Variants in MID1 observed in about 807,000 individuals in gnomAD.
MID1 encodes midline 1.
A neutral mutation model predicts 40.4 loss-of-function variants in MID1; 7 were observed. That is an observed-to-expected ratio of 0.17 (90% CI 0.10 to 0.33). The LOEUF (loss-of-function observed/expected upper bound fraction) is 0.33, where lower values mean the gene tolerates loss of function less well. MID1 is among the 10% of genes least tolerant of loss of function. The probability of loss-of-function intolerance (pLI) is 1.00; values close to 1 mark genes in which losing one functional copy is unlikely to be tolerated. For missense variants in MID1, 367 were observed against 558.5 expected (o/e 0.66, Z 3.46); for synonymous variants, 229 against 221.2 (o/e 1.04, Z -0.31).
At chrX:10,770,178 C>T (rs746167649) in intron 1 of MID1, among the ~76,000 whole-genome samples, 24 of 111,863 alleles carry the variant, frequency 2.1e-4, no homozygotes, top group African/African-American at 7.5e-4. Context: ...CTGCACGTTG[C>T]CACTGCTACA....
At chrX:10,552,538 A>G (rs1186862994) in intron 2 of MID1, among the ~76,000 whole-genome samples, 1 of 111,230 alleles carries the variant, frequency 9.0e-6, no homozygotes, top group African/African-American at 3.3e-5. Flanking sequence ...TTAATAATTA[A>G]TAATACAATA....
At chrX:10,487,347 A>G (rs1930673378) in intron 4 of MID1, among the ~76,000 whole-genome samples, 1 of 112,170 alleles carries the variant, frequency 8.9e-6, no homozygotes, top group Admixed American at 9.5e-5. Flanking sequence ...GCTTGTACAA[A>G]TAATTATATA....
intron 2 of MID1, among the ~76,000 whole-genome samples, chrX:10,540,601 G>A (rs1933430662): frequency 9.0e-6 from 1 of 111,416 alleles, no homozygotes; most frequent in Non-Finnish European, 1.9e-5. Context: ...CATCTAAGTT[G>A]GATGTGCACT....
intron 2 of MID1, among the ~76,000 whole-genome samples, chrX:10,547,784 T>G (rs749045434): frequency 6.1e-4 from 68 of 111,386 alleles, no homozygotes; most frequent in African/African-American, 2.2e-3. Context: ...AAGCAGTCAT[T>G]GCTGAACCCA....
intron 2 of MID1, among the ~76,000 whole-genome samples, chrX:10,545,749 CAGG>C (rs998322195): frequency 1.3e-4 from 15 of 111,153 alleles, no homozygotes; most frequent in African/African-American, 3.9e-4. Context: ...GGAGAAGGAG[CAGG>C]AGGAGGAGGA....
At chrX:10,502,024 C>T (rs1202740355) in intron 3 of MID1, among the ~76,000 whole-genome samples, 1 of 112,206 alleles carries the variant, frequency 8.9e-6, no homozygotes, top group East Asian at 2.8e-4. Flanking sequence ...CTTTAGCAGT[C>T]TGTAAGTGGT....
intron 1 of MID1, among the ~76,000 whole-genome samples, chrX:10,648,124 G>A (rs1053015388): frequency 8.9e-6 from 1 of 111,824 alleles, no homozygotes; most frequent in African/African-American, 3.2e-5. Flanking sequence ...AGATTTCCAC[G>A]AAGCTTTCCT....
intron 1 of MID1, among the ~76,000 whole-genome samples, chrX:10,691,480 C>CA (rs1189182347): frequency 1.2e-4 from 14 of 112,253 alleles, no homozygotes; most frequent in African/African-American, 4.5e-4. Context: ...GTCATTACTG[C>CA]AATCTCTGAA....
In MID1 at chrX:10,561,767, G is replaced by A. The variant is rs1023083924; in HGVS notation, c.660+5121C>T. Among the ~76,000 whole-genome samples the A allele has an allele frequency of 3.2e-4, 34 of 107,223 alleles. 1 individual carries two copies. Among genetic ancestry groups the A allele is most frequent in the Non-Finnish European group, 4.7e-4 (25 of 52,825 alleles). 93.1% of individuals were successfully genotyped at this position (107,223 alleles called of 115,157 possible). A position where few individuals can be genotyped will look rare whatever the true frequency, so the allele number is the denominator to read the frequency against. On this transcript the variant is annotated intron_variant, in intron 2 of 9. Coordinates refer to ENST00000317552, the MANE Select transcript of MID1 (RefSeq NM_000381.4). ...GGAGAAATAGGAATGTTTTTACACT[G>A]TTGGTGGTTGTAAATTAGTTCAACC...
intron 3 of MID1, chrX:10,506,243 T>C (rs1931823494): frequency 1.0e-6 from 1 of 995,015 alleles, no homozygotes; most frequent in African/African-American, 2.0e-5. Flanking sequence ...GCTATAGCCA[T>C]GACTAGAAAA....
intron 1 of MID1, among the ~76,000 whole-genome samples, chrX:10,589,339 C>G (rs908019928): frequency 1.8e-5 from 2 of 110,145 alleles, no homozygotes; most frequent in African/African-American, 6.6e-5. Context: ...GTTCCCAAGA[C>G]CAGTCCTGTG....
chrX:10,663,468 T>G (rs1157559569), intron 1 of MID1, among the ~76,000 whole-genome samples: 2 of 112,455 alleles, frequency 1.8e-5, no homozygotes, highest in Non-Finnish European at 3.8e-5. Context: ...TTTTTAGAGC[T>G]GAATACTATC....
chrX:10,702,802 T>G (rs1397729693), intron 1 of MID1, among the ~76,000 whole-genome samples: 1 of 111,980 alleles, frequency 8.9e-6, no homozygotes, highest in Non-Finnish European at 1.9e-5. Flanking sequence ...TGTATTGGAG[T>G]TGGGGCTTTT....
chrX:10,674,466 A>G (rs1056466240), intron 1 of MID1, among the ~76,000 whole-genome samples: 2 of 112,188 alleles, frequency 1.8e-5, no homozygotes, highest in Non-Finnish European at 3.8e-5. Flanking sequence ...CGTGTGCCAT[A>G]TGAGTGACAC....
chrX:10,511,055 G>A (rs1037920102), intron 3 of MID1, among the ~76,000 whole-genome samples: 2 of 108,176 alleles, frequency 1.8e-5, no homozygotes, highest in Non-Finnish European at 3.8e-5. Context: ...GACCAGGCTG[G>A]CCAACATGGT....
At chrX:10,571,787 G>A (rs1281370429) in intron 1 of MID1, among the ~76,000 whole-genome samples, 1 of 110,398 alleles carries the variant, frequency 9.1e-6, no homozygotes, top group Non-Finnish European at 1.9e-5. Context: ...CAGGAGTGGT[G>A]GCACATGCCT....
chrX:10,531,441 G>A (rs1351107769), intron 2 of MID1, among the ~76,000 whole-genome samples: 1 of 111,771 alleles, frequency 8.9e-6, no homozygotes, highest in Admixed American at 9.5e-5. Flanking sequence ...ACAGGCCGCC[G>A]AGGGAACTTC....
intron 1 of MID1, among the ~76,000 whole-genome samples, chrX:10,594,825 T>C (rs1432821543): frequency 8.9e-6 from 1 of 111,954 alleles, no homozygotes; most frequent in Non-Finnish European, 1.9e-5. Flanking sequence ...AGAATATATA[T>C]AAAATTTGGT....
intron 1 of MID1, among the ~76,000 whole-genome samples, chrX:10,736,221 C>T (rs953214608): frequency 2.7e-5 from 3 of 111,260 alleles, no homozygotes; most frequent in South Asian, 3.8e-4. Flanking sequence ...CCTCGTGATC[C>T]GCCCGCCTCG....
Sources: allele counts gnomAD v4.1 joint callset (sites outside exome capture counted in the v4.1 genomes callset), GRCh38; gene constraint gnomAD v4.1.1; transcripts MANE v1.5; gene names NCBI Gene and HGNC (gene_info 2026-07-23, HGNC 2026-07-21).